Variants in IQSEC1 observed in about 807,000 individuals in gnomAD.
IQSEC1 encodes IQ motif and SEC7 domain-containing protein 1.
IQSEC1 carries 31 observed loss-of-function variants against 91.0 expected under a neutral mutation model. The ratio of observed to expected loss-of-function variants is 0.34; its 90% CI spans 0.26 to 0.46. IQSEC1 has a LOEUF of 0.46. Ranked by LOEUF, IQSEC1 falls within the 20% of genes least tolerant of loss-of-function variation. The pLI, the probability that IQSEC1 is intolerant of heterozygous loss-of-function variation, is 1.00. For synonymous variants in IQSEC1, 699 were observed against 662.6 expected, an observed-to-expected ratio of 1.05 and a Z score of -0.84; for missense variants, 1,388 against 1,575.6, an observed-to-expected ratio of 0.88 and a Z score of 2.02.
chr3:13,245,913 G>A (rs985752442), intron 1 of IQSEC1, among the ~76,000 whole-genome samples: 2 of 152,216 alleles, frequency 1.3e-5, no homozygotes, highest in East Asian at 3.9e-4. Flanking sequence ...GTGGCACACT[G>A]CCGGGGAACC....
At position 13,227,393 on chromosome 3, in the gene IQSEC1, A is replaced by G. The variant is rs369872510; in HGVS notation, c.272+55318T>C. On this transcript the variant is annotated intron_variant, in intron 1 of 15. Transcript: ENST00000648114. The stretch of plus-strand genomic sequence containing the variant: ...TCTGTCTCAAAAAAAAAAAAAAAAA[A>G]AAAGAAAGAAAGAAAAGAAAACGAA... Among the ~76,000 whole-genome samples, 106 of 140,888 alleles carry G rather than the reference A, an allele frequency of 7.5e-4. 1 individual carries two copies. The highest frequency in any genetic ancestry group is 1.8e-3 in the Admixed American group (26 of 14,140). The allele number at this position is 140,888 out of a possible 152,430, so 92.4% of individuals were successfully genotyped here. A position where few individuals can be genotyped will look rare whatever the true frequency, so the allele number is the denominator to read the frequency against.
At chr3:13,188,037 AC>A (rs1693963075) in intron 1 of IQSEC1, among the ~76,000 whole-genome samples, 1 of 152,126 alleles carries the variant, frequency 6.6e-6, no homozygotes, top group African/African-American at 2.4e-5. Context: ...CAGACCACTG[AC>A]CTGCCTGGGC....
Position 13,259,605 on chromosome 3 carries a change from T to C in IQSEC1, c.272+23106A>G, listed in dbSNP as rs925726055. Among the ~76,000 whole-genome samples the C allele has an allele frequency of 4.6e-5, 7 of 152,232 alleles. No individual in the cohort carries two copies. Among genetic ancestry groups the C allele is most frequent in the Non-Finnish European group, 8.8e-5 (6 of 68,032 alleles). On this transcript the variant is annotated intron_variant, in intron 1 of 15. Transcript: ENST00000648114. This position sits in a 1 kb window ranked among gnomAD's most constrained non-coding sequence, Gnocchi z 4.6. ...CTGTTTTCACTAAGTGTTCATTAAC[T>C]TGATGATTGCAGAAGACCCACTAGG...
intron 2 of IQSEC1, among the ~76,000 whole-genome samples, chr3:13,126,469 C>T (rs1706515121): frequency 1.3e-5 from 2 of 152,218 alleles, no homozygotes; most frequent in African/African-American, 2.4e-5. Context: ...TCTTGAATTA[C>T]ACTGCTAAGT....
chr3:12,946,501 G>A (rs1163699591), intron 1 of IQSEC1, among the ~76,000 whole-genome samples: 6 of 152,192 alleles, frequency 3.9e-5, no homozygotes, highest in Non-Finnish European at 7.3e-5. Context: ...AAGGAAATAA[G>A]ACCAATGTGT....
chr3:12,903,570 CAGT>C (rs2125016396), intron 12 of IQSEC1, among the ~76,000 whole-genome samples: 1 of 152,354 alleles, frequency 6.6e-6, no homozygotes, highest in South Asian at 2.1e-4. Flanking sequence ...GCAGAGCACA[CAGT>C]AGGCACTCGG....
chr3:13,153,551 T>C (rs1415205335), intron 2 of IQSEC1, among the ~76,000 whole-genome samples: 1 of 152,192 alleles, frequency 6.6e-6, no homozygotes, highest in Non-Finnish European at 1.5e-5. Flanking sequence ...AGCCTACCCC[T>C]GTCCTATGTG....
chr3:12,954,779 T>C lies in IQSEC1; in HGVS notation c.24-12914A>G, dbSNP rs952024880. ...CTGAATCTGCTCAATGAATGAATGA[T>C]GCTGCTAGTGACTTGGGGACCTGCA... On this transcript the variant is annotated intron_variant, in intron 1 of 13. Coordinates refer to ENST00000613206, the MANE Select transcript of IQSEC1 (RefSeq NM_001134382.3). Among the ~76,000 whole-genome samples the C allele has an allele frequency of 5.3e-5, 8 of 152,324 alleles. No individual in the cohort carries two copies. In the East Asian group the frequency reaches 7.7e-4, roughly 15 times the overall value.
At chr3:13,143,059 C>T (rs1266532037) in intron 2 of IQSEC1, among the ~76,000 whole-genome samples, 3 of 152,240 alleles carry the variant, frequency 2.0e-5, no homozygotes, top group Non-Finnish European at 2.9e-5. Flanking sequence ...CACCCCATCC[C>T]GTCTCTTTCT....
intron 2 of IQSEC1, among the ~76,000 whole-genome samples, chr3:12,939,183 G>A (rs533559009): frequency 5.2e-4 from 79 of 152,350 alleles, no homozygotes; most frequent in South Asian, 3.1e-3. Context: ...GACGCTCAGC[G>A]GAGGGAAGCC....
chr3:13,070,039 C>A (rs940086859), intron 1 of IQSEC1, among the ~76,000 whole-genome samples: 1 of 151,752 alleles, frequency 6.6e-6, no homozygotes, highest in Non-Finnish European at 1.5e-5. Flanking sequence ...TGGGTGCACA[C>A]CAGGGGCCCA....
At chr3:12,993,217 T>C (rs1022642117) in intron 1 of IQSEC1, among the ~76,000 whole-genome samples, 5 of 152,134 alleles carry the variant, frequency 3.3e-5, no homozygotes, top group East Asian at 1.9e-4. Flanking sequence ...ACCCCAAGAC[T>C]GAGAACCAGT....
intron 1 of IQSEC1, among the ~76,000 whole-genome samples, chr3:12,966,017 C>T (rs1700539471): frequency 6.6e-6 from 1 of 152,210 alleles, no homozygotes; most frequent in South Asian, 2.1e-4. Flanking sequence ...GATTTGCTCT[C>T]CTGCAATATG....
intron 2 of IQSEC1, among the ~76,000 whole-genome samples, chr3:13,095,652 C>T (rs1217972201): frequency 6.6e-6 from 1 of 152,132 alleles, no homozygotes; most frequent in Non-Finnish European, 1.5e-5. Context: ...ACGCAATCAC[C>T]AGCCTTTTAG....
At chr3:13,036,736 A>G (rs1704050665) in intron 1 of IQSEC1, among the ~76,000 whole-genome samples, 1 of 152,208 alleles carries the variant, frequency 6.6e-6, no homozygotes, top group South Asian at 2.1e-4. Flanking sequence ...CTGAGCTGGC[A>G]GTTTGGGGAG....
chr3:13,087,178 T>C (rs1705750315), intron 2 of IQSEC1, among the ~76,000 whole-genome samples: 1 of 152,254 alleles, frequency 6.6e-6, no homozygotes, highest in Non-Finnish European at 1.5e-5. Flanking sequence ...GTAATTACTT[T>C]CAAATCCACA....
intron 2 of IQSEC1, among the ~76,000 whole-genome samples, chr3:13,115,304 G>GCC (rs1576256960): frequency 6.6e-6 from 1 of 152,172 alleles, no homozygotes; most frequent in East Asian, 1.9e-4. Flanking sequence ...TCTCACTCTG[G>GCC]GGCGTCCTGC....
chr3:13,274,982 A>G (rs1468352414), intron 1 of IQSEC1, among the ~76,000 whole-genome samples: 1 of 152,232 alleles, frequency 6.6e-6, no homozygotes, highest in Non-Finnish European at 1.5e-5. Flanking sequence ...ACAGTTCTGA[A>G]GCAGCCCAGC....
intron 2 of IQSEC1, among the ~76,000 whole-genome samples, chr3:13,146,527 A>G (rs144381832): frequency 7.0e-4 from 107 of 152,324 alleles, no homozygotes; most frequent in African/African-American, 2.3e-3. Flanking sequence ...CCAAGGGCTG[A>G]GCCTGAGCTG....
Sources: gnomAD v4.1 joint callset for allele counts (sites outside exome capture counted in the v4.1 genomes callset) on GRCh38, gnomAD v4.1.1 for gene constraint, Gnocchi (gnomAD v3.1) non-coding constraint, MANE v1.5 for transcripts, NCBI Gene and HGNC (gene_info 2026-07-23, HGNC 2026-07-21) for gene names.